Variants in COMMD1 observed in about 807,000 individuals in gnomAD.
COMMD1 encodes the protein copper metabolism domain containing 1, also known as COMM domain-containing protein 1.
COMMD1 carries 10 observed loss-of-function variants against 17.2 expected under a neutral mutation model. That is an observed-to-expected ratio of 0.58 (90% CI 0.36 to 0.99). The LOEUF (loss-of-function observed/expected upper bound fraction) is 0.99, where lower values mean the gene tolerates loss of function less well. COMMD1 is among the 50% of genes least tolerant of loss of function. COMMD1 has a pLI of 0.01. For missense variants in COMMD1, 270 were observed against 231.8 expected, an observed-to-expected ratio of 1.17 and a Z score of -1.07; for synonymous variants, 97 against 91.6, an observed-to-expected ratio of 1.06 and a Z score of -0.34.
intron 1 of COMMD1, among the ~76,000 whole-genome samples, chr2:61,985,449 G>A (rs563692530): frequency 1.3e-5 from 2 of 152,238 alleles, no homozygotes; most frequent in East Asian, 3.9e-4. Context: ...TTTGATTGGA[G>A]AGTTTGGTTC....
intron 1 of COMMD1, among the ~76,000 whole-genome samples, chr2:61,990,170 A>G (rs13432409): frequency 0.12 from 18,706 of 152,202 alleles, 2,769 homozygotes; most frequent in African/African-American, 0.35. Context: ...GCTCAAAAGC[A>G]ATGGTAGGAA....
chr2:62,094,903 C>A (rs946428200), intron 2 of COMMD1, among the ~76,000 whole-genome samples: 1 of 152,174 alleles, frequency 6.6e-6, no homozygotes, highest in Non-Finnish European at 1.5e-5. Context: ...TTTCAAATGG[C>A]AATTTTATAT....
At chr2:62,025,499 C>T (rs1010188398) in intron 2 of COMMD1, among the ~76,000 whole-genome samples, 1 of 152,110 alleles carries the variant, frequency 6.6e-6, no homozygotes, top group African/African-American at 2.4e-5. Flanking sequence ...CACTGCATTC[C>T]AGCCTGGGGA....
rs886147152 is a variant in COMMD1, at chr2:61,932,588, C to T, written c.180+26730C>T. Among the ~76,000 whole-genome samples, 7 of 152,110 alleles carry T rather than the reference C, an allele frequency of 4.6e-5. No homozygotes were observed. The East Asian group carries it at 7.7e-4, about 17-fold the overall frequency. ...AGATTTCATATGTTGGAAACTTAAT[C>T]CCCAGATTTATGTGTTGATTGGTGG... On this transcript the variant is annotated intron_variant, in intron 1 of 2. Transcript: ENST00000311832.
At chr2:61,996,579 T>C (rs1031519883) in intron 1 of COMMD1, among the ~76,000 whole-genome samples, 3 of 152,166 alleles carry the variant, frequency 2.0e-5, no homozygotes, top group South Asian at 4.1e-4. Flanking sequence ...GAGTCAGTTC[T>C]CTCCAACCCT....
intron 2 of COMMD1, among the ~76,000 whole-genome samples, chr2:62,044,837 TAAAAAAAAAA>T (rs542859899): frequency 8.5e-6 from 1 of 117,040 alleles, no homozygotes; most frequent in African/African-American, 2.8e-5. Context: ...GCTCCTAACT[TAAAAAAAAAA>T]AAAAAAAAAG....
At chr2:61,903,047 A>G (rs889779561), upstream of COMMD1, among the ~76,000 whole-genome samples, 2 of 152,140 alleles carry the variant, frequency 1.3e-5, no homozygotes, top group Non-Finnish European at 2.9e-5. Context: ...AAAACAATCT[A>G]TAGTTTGTCA....
chr2:62,063,765 T>TATTTTCATTTCAAGAA (rs1220433118), intron 2 of COMMD1, among the ~76,000 whole-genome samples: 8 of 150,934 alleles, frequency 5.3e-5, no homozygotes, highest in Non-Finnish European at 1.2e-4. Context: ...ATAGTGATTA[T>TATTTTCATTTCAAGAA]ATTTTCATTT....
Position 61,981,123 on chromosome 2 carries a change from C to A in COMMD1, c.181-19578C>A, listed in dbSNP as rs558791654. Among the ~76,000 whole-genome samples the A allele has an allele frequency of 2.0e-5, 3 of 151,884 alleles. No homozygotes were observed. The South Asian group carries it at 6.3e-4, about 32-fold the overall frequency. ...GATTGTCTCTTCCCTTTGTTGATGG[C>A]TTCCTTTGCTGTGCAGAAGCCTTTT... On this transcript the variant is annotated intron_variant, in intron 1 of 2. Transcript: ENST00000311832.
At chr2:62,111,254 G>T (rs1168098388) in intron 2 of COMMD1, among the ~76,000 whole-genome samples, 1 of 152,130 alleles carries the variant, frequency 6.6e-6, no homozygotes, top group South Asian at 2.1e-4. Flanking sequence ...CATCATAAGG[G>T]TCACATCTGA....
At chr2:61,907,435 C>T (rs1669801084) in intron 1 of COMMD1, among the ~76,000 whole-genome samples, 1 of 152,156 alleles carries the variant, frequency 6.6e-6, no homozygotes, top group African/African-American at 2.4e-5. Context: ...AAATTTTACT[C>T]TTTGAGCAGT....
chr2:62,055,842 G>A (rs1012457341), intron 2 of COMMD1, among the ~76,000 whole-genome samples: 5 of 152,266 alleles, frequency 3.3e-5, no homozygotes, highest in Admixed American at 2.0e-4. Context: ...GGATATTGAG[G>A]CACAATTGAT....
intron 2 of COMMD1, among the ~76,000 whole-genome samples, chr2:62,059,431 C>T (rs1186207520): frequency 6.6e-6 from 1 of 152,308 alleles, no homozygotes; most frequent in Admixed American, 6.5e-5. Flanking sequence ...GCTGGGTTTA[C>T]AGTCATGAGC....
At position 61,940,691 on chromosome 2, in the gene COMMD1, C is replaced by T. The variant is rs868821197; in HGVS notation, c.180+34833C>T. 1.0e-3 allele frequency among the ~76,000 whole-genome samples: 145 copies of T among 143,946 alleles called. 1 individual carries two copies. The South Asian group carries it at 0.011, about 11-fold the overall frequency. 94.4% of individuals were successfully genotyped at this position (143,946 alleles called of 152,430 possible). On this transcript the variant is annotated intron_variant, in intron 1 of 2. Transcript: ENST00000311832. ...TTCTATCACTCTTCTGGGATGAATT[C>T]TTTTTTTTTTTTTTGAGGCAGAGTC...
At chr2:62,071,281 G>T (rs1671192352) in intron 2 of COMMD1, among the ~76,000 whole-genome samples, 1 of 152,158 alleles carries the variant, frequency 6.6e-6, no homozygotes, top group South Asian at 2.1e-4. Context: ...GTGTCTTTTA[G>T]TATGCTAATA....
At chr2:61,915,206 A>G (rs1047154271) in intron 1 of COMMD1, among the ~76,000 whole-genome samples, 1 of 151,796 alleles carries the variant, frequency 6.6e-6, no homozygotes, top group African/African-American at 2.4e-5. Flanking sequence ...GGGTTTCGTC[A>G]TGTTGGTCAG....
chr2:61,992,018 A>C (rs1672265421), intron 1 of COMMD1, among the ~76,000 whole-genome samples: 2 of 152,240 alleles, frequency 1.3e-5, no homozygotes, highest in Admixed American at 1.3e-4. Context: ...ACAAAGGAAA[A>C]GTATAAGAAA....
In COMMD1 at chr2:61,905,745, A is replaced by G. The variant is rs1572947191; in HGVS notation, c.67A>G (p.Thr23Ala). Residue 23 changes from threonine (T) to alanine (A), a missense_variant, in exon 1 of 3, where the codon ACT becomes GCT. Transcript: ENST00000311832. ...GCTGCTGAATGCGCTGGCCCAGGACACTTTCCACGGGTACCCCGGCATCAC... is the reference window on the plus strand; with the variant it reads ...GCTGCTGAATGCGCTGGCCCAGGACGCTTTCCACGGGTACCCCGGCATCAC... Reference protein sequence around the residue: ...SGLLNALAQDTFHGYPGITEE... With the variant: ...SGLLNALAQDAFHGYPGITEE... 1.9e-6 allele frequency: 3 copies of G among 1,613,770 alleles called. No individual in the cohort carries two copies. The highest frequency in any genetic ancestry group is 1.1e-5 in the South Asian group (1 of 90,982).
intron 1 of COMMD1, among the ~76,000 whole-genome samples, chr2:61,929,086 A>G (rs1036510610): frequency 6.6e-6 from 1 of 152,196 alleles, no homozygotes; most frequent in Non-Finnish European, 1.5e-5. Flanking sequence ...TTATCAGTTC[A>G]TTGGTGGAGA....
Sources: gnomAD v4.1 joint callset for allele counts (sites outside exome capture counted in the v4.1 genomes callset) on GRCh38, gnomAD v4.1.1 for gene constraint, MANE v1.5 for transcripts, NCBI Gene and HGNC (gene_info 2026-07-23, HGNC 2026-07-21) for gene names.